SLC35F1: variants seen among roughly 807,000 people sequenced by gnomAD.
SLC35F1 encodes the protein chromosome 6 open reading frame 169.
SLC35F1 carries 14 observed loss-of-function variants against 48.7 expected under a neutral mutation model. The observed-to-expected ratio is 0.29, with a 90% CI of 0.19 to 0.45. The LOEUF is 0.45. Ranked by LOEUF, SLC35F1 falls within the 20% of genes least tolerant of loss-of-function variation. The probability of loss-of-function intolerance (pLI) is 1.00; values close to 1 mark genes in which losing one functional copy is unlikely to be tolerated. For synonymous variants in SLC35F1, 190 were observed against 202.2 expected, an observed-to-expected ratio of 0.94 and a Z score of 0.51; for missense variants, 404 against 500.0, an observed-to-expected ratio of 0.81 and a Z score of 1.83.
intron 2 of SLC35F1, among the ~76,000 whole-genome samples, chr6:118,218,672 C>A (rs1052932219): frequency 3.3e-5 from 5 of 152,128 alleles, no homozygotes; most frequent in African/African-American, 1.2e-4. Context: ...AATCTACAGA[C>A]AAATGGGACG....
At chr6:118,181,576 C>T in intron 2 of SLC35F1, among the ~76,000 whole-genome samples, 1 of 152,034 alleles carries the variant, frequency 6.6e-6, no homozygotes, top group East Asian at 1.9e-4. Context: ...AAGTCCAAAA[C>T]ATCACCAAAA....
chr6:117,961,154 G>C (rs1187096935), intron 1 of SLC35F1, among the ~76,000 whole-genome samples: 1 of 152,036 alleles, frequency 6.6e-6, no homozygotes. Flanking sequence ...TCAGTACTTG[G>C]GCAGTTGCTC....
At chr6:118,073,904 T>G (rs1772779782) in intron 1 of SLC35F1, among the ~76,000 whole-genome samples, 1 of 152,198 alleles carries the variant, frequency 6.6e-6, no homozygotes, top group African/African-American at 2.4e-5. Flanking sequence ...CAAAAATAAT[T>G]TATCGTATCA....
rs963242961 is a variant in SLC35F1, at chr6:118,275,719, C to T, written c.794+104C>T. The T allele has an allele frequency of 4.7e-6, 5 of 1,053,174 alleles. No homozygotes were observed. The South Asian group carries it at 8.0e-5, about 17-fold the overall frequency. The allele number at this position is 1,053,174 out of a possible 1,614,324, so 65.2% of individuals were successfully genotyped here. A position where few individuals can be genotyped will look rare whatever the true frequency, so the allele number is the denominator to read the frequency against. ...AAAAATCAAGGCTGGAATCCAGACA[C>T]CAGCTTCCTGTACAAAGGACTTATG... On this transcript the variant is annotated intron_variant, in intron 5 of 7. Transcript: ENST00000360388.
chr6:118,251,068 G>A (rs1397897678), intron 3 of SLC35F1, among the ~76,000 whole-genome samples: 2 of 152,064 alleles, frequency 1.3e-5, no homozygotes, highest in South Asian at 2.1e-4. Context: ...CGGGCAGGTC[G>A]TTTGAGCTCA....
chr6:118,154,227 G>A (rs770253009), intron 1 of SLC35F1, among the ~76,000 whole-genome samples: 6 of 152,126 alleles, frequency 3.9e-5, no homozygotes, highest in Non-Finnish European at 8.8e-5. Context: ...ATGACTGTGA[G>A]CAAACTCCTT....
chr6:118,263,058 CTGTTTTGTTTTGTTT>C (rs1244103517), intron 3 of SLC35F1, among the ~76,000 whole-genome samples: 3 of 151,930 alleles, frequency 2.0e-5, no homozygotes, highest in Admixed American at 6.6e-5. Context: ...TTGTTTTGTT[CTGTTTTGTTTTGTTT>C]TGAGACAGAA....
At chr6:117,923,568 A>C (rs1458127928) in intron 1 of SLC35F1, among the ~76,000 whole-genome samples, 12 of 110,510 alleles carry the variant, frequency 1.1e-4, no homozygotes, top group African/African-American at 3.0e-4. Context: ...CATATATACA[A>C]ATACATATGT....
At chr6:118,022,628 G>C (rs538298413) in intron 1 of SLC35F1, among the ~76,000 whole-genome samples, 4 of 152,136 alleles carry the variant, frequency 2.6e-5, no homozygotes, top group Non-Finnish European at 5.9e-5. Flanking sequence ...TGCTGAAATA[G>C]CTGTCACTGG....
chr6:117,944,380 G>T (rs1776268347), intron 1 of SLC35F1, among the ~76,000 whole-genome samples: 1 of 152,052 alleles, frequency 6.6e-6, no homozygotes, highest in African/African-American at 2.4e-5. Context: ...ATCCCACTTT[G>T]TTGCCAAACA....
intron 1 of SLC35F1, among the ~76,000 whole-genome samples, chr6:117,986,827 A>G (rs1776854112): frequency 6.6e-6 from 1 of 152,206 alleles, no homozygotes; most frequent in Admixed American, 6.5e-5. Context: ...TGCTCTCGAC[A>G]TCACTGGCAG....
chr6:117,961,046 A>T (rs1037502712), intron 1 of SLC35F1, among the ~76,000 whole-genome samples: 114 of 152,216 alleles, frequency 7.5e-4, no homozygotes, highest in Admixed American at 1.4e-3. Context: ...AAAAAAATTT[A>T]AAAAAATGGA....
chr6:118,176,819 T>C (rs1356993002), intron 2 of SLC35F1, among the ~76,000 whole-genome samples: 2 of 152,084 alleles, frequency 1.3e-5, no homozygotes, highest in Non-Finnish European at 2.9e-5. Flanking sequence ...TTGGGATGCT[T>C]CCTCCTTTTT....
intron 3 of SLC35F1, among the ~76,000 whole-genome samples, chr6:118,256,431 A>T (rs947338729): frequency 1.3e-5 from 2 of 152,156 alleles, no homozygotes; most frequent in Non-Finnish European, 2.9e-5. Context: ...CCTCAGGTTT[A>T]GCCTCTGACA....
intron 1 of SLC35F1, among the ~76,000 whole-genome samples, chr6:117,912,495 T>C (rs573168562): frequency 2.0e-5 from 3 of 152,306 alleles, no homozygotes; most frequent in East Asian, 3.9e-4. Flanking sequence ...ATTTAGATGA[T>C]CCTTTCTGAT....
intron 1 of SLC35F1, among the ~76,000 whole-genome samples, chr6:118,092,152 C>A (rs1230535993): frequency 5.3e-5 from 8 of 152,172 alleles, no homozygotes; most frequent in Admixed American, 5.2e-4. Context: ...ATCACCAAGA[C>A]AGTGTGAAAT....
chr6:118,070,134 C>A (rs1432080780), intron 1 of SLC35F1, among the ~76,000 whole-genome samples: 1 of 100,308 alleles, frequency 1.0e-5, no homozygotes, highest in South Asian at 4.0e-4. Context: ...CAGAGCGAGA[C>A]TCCGTCTCAA....
chr6:118,115,885 C>T (rs1475561039), intron 1 of SLC35F1, among the ~76,000 whole-genome samples: 6 of 152,166 alleles, frequency 3.9e-5, no homozygotes, highest in South Asian at 4.2e-4. Flanking sequence ...TTAGAAAAAG[C>T]GTTAATGTTA....
intron 1 of SLC35F1, among the ~76,000 whole-genome samples, chr6:118,078,790 G>A (rs924498488): frequency 2.0e-5 from 3 of 152,136 alleles, no homozygotes; most frequent in African/African-American, 7.2e-5. Context: ...CAGCTTGGTG[G>A]GGAGACATCT....
Sources: gnomAD v4.1 joint callset for allele counts (sites outside exome capture counted in the v4.1 genomes callset) on GRCh38, gnomAD v4.1.1 for gene constraint, MANE v1.5 for transcripts, NCBI Gene and HGNC (gene_info 2026-07-23, HGNC 2026-07-21) for gene names.